CDH23: variants seen among roughly 807,000 people sequenced by gnomAD.
The protein encoded by CDH23 is cadherin-23.
In CDH23, 189 loss-of-function variants were observed where a neutral mutation model predicts 317.1. The observed-to-expected ratio is 0.60, with a 90% confidence interval of 0.53 to 0.67. The LOEUF is 0.67. CDH23 is among the 30% of genes least tolerant of loss of function. The pLI is 0.00. For synonymous variants in CDH23, 1,839 were observed against 1,876.8 expected (o/e 0.98, Z 0.52); for missense variants, 4,401 against 4,592.4 (o/e 0.96, Z 1.20).
intron 11 of CDH23, among the ~76,000 whole-genome samples, chr10:71,637,882 G>A (rs1004875876): frequency 6.8e-6 from 1 of 147,444 alleles, no homozygotes; most frequent in East Asian, 2.0e-4. Flanking sequence ...TCCTTGCTGT[G>A]GCTCCTGAGG....
chr10:71,681,838 C>A (rs1321985960), intron 17 of CDH23, among the ~76,000 whole-genome samples: 1 of 152,144 alleles, frequency 6.6e-6, no homozygotes, highest in African/African-American at 2.4e-5. Flanking sequence ...AGAAATAGGG[C>A]TAGAGACCGA....
chr10:71,798,549 G>C lies in CDH23; in HGVS notation c.7025G>C (p.Gly2342Ala), dbSNP rs779309267. The change falls in exon 50 of 70, where the codon GGG (glycine) becomes GCG (alanine). Residue 2342 changes from glycine (G) to alanine (A), a missense_variant. By Grantham distance (60) the Gly-to-Ala change is moderately conservative (BLOSUM62 0). Around this residue, in one of 3 missense-constraint regions of CDH23, gnomAD observed 3,068 missense variants for 3,203.3 expected, o/e 0.96. Coordinates refer to ENST00000224721, the MANE Select transcript of CDH23 (RefSeq NM_022124.6). ...TYTLLDLVPPGYVQLEDSSAG... is the reference protein window; with the variant it reads ...TYTLLDLVPPAYVQLEDSSAG... ...ACCCTGCTGGACCTGGTGCCCCCAG[G>C]GTATGTCCAGCTGGAGGACTCCTCG... The C allele has an allele frequency of 1.2e-6, 2 of 1,612,568 alleles. No homozygotes were observed. The highest frequency in any genetic ancestry group is 1.7e-6 in the Non-Finnish European group (2 of 1,179,232).
chr10:71,429,754 G>A (rs1849281492), intron 1 of CDH23, among the ~76,000 whole-genome samples: 4 of 152,230 alleles, frequency 2.6e-5, no homozygotes, highest in Admixed American at 2.6e-4. Context: ...AACTATTTAG[G>A]GAAGAAATCA....
chr10:71,432,839 T>A (rs534718398), intron 1 of CDH23, among the ~76,000 whole-genome samples: 1 of 152,132 alleles, frequency 6.6e-6, no homozygotes, highest in Non-Finnish European at 1.5e-5. Context: ...AGGAGCTCCA[T>A]GTCCCTAGAA....
intron 14 of CDH23, among the ~76,000 whole-genome samples, chr10:71,647,377 C>A (rs1390699631): frequency 6.6e-6 from 1 of 152,014 alleles, no homozygotes; most frequent in Non-Finnish European, 1.5e-5. Flanking sequence ...GCAGGAGAAT[C>A]GCTTGAACCC....
At chr10:71,668,945 G>C (rs914707821) in intron 14 of CDH23, among the ~76,000 whole-genome samples, 4 of 152,208 alleles carry the variant, frequency 2.6e-5, no homozygotes, top group African/African-American at 9.7e-5. Context: ...GATTATAAAG[G>C]CCCAAATGAC....
rs568794980 is a variant in CDH23, at chr10:71,659,163, G to A, written c.1449+12546G>A. On this transcript the variant is annotated intron_variant, in intron 14 of 69. Transcript: ENST00000224721. Reference sequence around the variant, plus strand: ...ACAATCACTCAGAGAACACCAGAGCGAAGACAATGGACCCCCTGGGCCAGG... The same window carrying A: ...ACAATCACTCAGAGAACACCAGAGCAAAGACAATGGACCCCCTGGGCCAGG... 6.6e-5 allele frequency among the ~76,000 whole-genome samples: 10 copies of A among 152,332 alleles called. No homozygotes were observed. The South Asian group carries it at 1.9e-3, about 28-fold the overall frequency.
intron 11 of CDH23, among the ~76,000 whole-genome samples, chr10:71,637,839 A>AC (rs1222039849): frequency 2.2e-5 from 2 of 92,844 alleles, no homozygotes; most frequent in Admixed American, 1.2e-4. Flanking sequence ...GCATCCCCCT[A>AC]CCCCCCGACC....
chr10:71,680,613 T>C (rs1864581655), intron 17 of CDH23, among the ~76,000 whole-genome samples: 1 of 151,702 alleles, frequency 6.6e-6, no homozygotes, highest in South Asian at 2.1e-4. Context: ...CCAGGCGTGG[T>C]GGTGTGCACC....
intron 1 of CDH23, among the ~76,000 whole-genome samples, chr10:71,404,827 C>CTA (rs1415135793): frequency 6.6e-6 from 1 of 152,176 alleles, no homozygotes; most frequent in African/African-American, 2.4e-5. Flanking sequence ...AGGCGGTTAG[C>CTA]GATATCACCT....
chr10:71,474,286 G>T (rs1450863612), intron 3 of CDH23, among the ~76,000 whole-genome samples: 1 of 152,218 alleles, frequency 6.6e-6, no homozygotes, highest in Non-Finnish European at 1.5e-5. Context: ...ATCAGCTCCA[G>T]GAGTAAGTTT....
chr10:71,606,805 C>T (rs1279758321), intron 9 of CDH23, among the ~76,000 whole-genome samples: 2 of 152,072 alleles, frequency 1.3e-5, no homozygotes, highest in Non-Finnish European at 2.9e-5. Flanking sequence ...TGAATGGAGG[C>T]CTGAATGCAC....
At chr10:71,562,561 A>G (rs1477687613) in intron 6 of CDH23, among the ~76,000 whole-genome samples, 3 of 152,204 alleles carry the variant, frequency 2.0e-5, no homozygotes, top group Admixed American at 6.5e-5. Flanking sequence ...GGGCAGAGCC[A>G]TGGAAATGAG....
chr10:71,523,857 C>A (rs1854855530), intron 6 of CDH23, among the ~76,000 whole-genome samples: 1 of 152,214 alleles, frequency 6.6e-6, no homozygotes, highest in African/African-American at 2.4e-5. Context: ...TCCCGGCCCC[C>A]TCTCCAGCCT....
intron 38 of CDH23, among the ~76,000 whole-genome samples, chr10:71,773,704 A>C (rs1460779675): frequency 6.6e-6 from 1 of 152,174 alleles, no homozygotes; most frequent in Non-Finnish European, 1.5e-5. Context: ...AGTCAGCTCC[A>C]CTTGATCGGC....
intron 61 of CDH23, among the ~76,000 whole-genome samples, 188 bp downstream of exon 61, chr10:71,810,264 C>A (rs1282276962): frequency 6.6e-6 from 1 of 152,202 alleles, no homozygotes; most frequent in Non-Finnish European, 1.5e-5. Flanking sequence ...GTTTCCTCTT[C>A]CATAAAATGG....
chr10:71,697,059 G>A (rs1221298347), intron 22 of CDH23, among the ~76,000 whole-genome samples: 1 of 152,242 alleles, frequency 6.6e-6, no homozygotes, highest in Non-Finnish European at 1.5e-5. Context: ...AGGGGCAGGT[G>A]AGGAAGGTTG....
chr10:71,506,588 C>A (rs1184584483), intron 3 of CDH23, among the ~76,000 whole-genome samples: 1 of 152,082 alleles, frequency 6.6e-6, no homozygotes. Context: ...ACTGGCCTCA[C>A]TCCTGTAGGA....
chr10:71,700,401 T>C (rs1019500784), intron 22 of CDH23, among the ~76,000 whole-genome samples: 4 of 151,978 alleles, frequency 2.6e-5, no homozygotes, highest in Non-Finnish European at 4.4e-5. Context: ...AAAAAAAAAT[T>C]CTCCCTTTTC....
Sources: allele counts gnomAD v4.1 joint callset (sites outside exome capture counted in the v4.1 genomes callset), GRCh38; gene constraint gnomAD v4.1.1; regional missense constraint gnomAD v4.1.1; transcripts MANE v1.5; gene names NCBI Gene and HGNC (gene_info 2026-07-23, HGNC 2026-07-21).